The following RYR1 variants were observed in gnomAD, a reference collection of about 807,000 sequenced individuals.
The protein encoded by RYR1 is central core disease of muscle.
A neutral mutation model predicts 583.5 loss-of-function variants in RYR1; 342 were observed. The ratio of observed to expected loss-of-function variants is 0.59; its 90% CI spans 0.54 to 0.64. RYR1 has a LOEUF of 0.64. Ranked by LOEUF, RYR1 falls within the 30% of genes least tolerant of loss-of-function variation. The pLI is 0.00. For synonymous variants in RYR1, 2,791 were observed against 2,822.5 expected (o/e 0.99, Z 0.35); for missense variants, 6,032 against 6,917.2 (o/e 0.87, Z 4.54).
At position 38,489,199 on chromosome 19, in the gene RYR1, A is replaced by G. The variant is rs1189214623; in HGVS notation, c.5570A>G (p.Glu1857Gly). ...TAGGTGATGGGCATCTTTGGCGATG[A>G]GGATGTGAAACAGATCTTGAAGATG... ...TLLVMGIFGD[E>G]DVKQILKMIE... The change falls in exon 35 of 106, where the codon GAG (glutamate) becomes GGG (glycine). Residue 1857 changes from glutamate to glycine, a missense_variant. Around this residue, in one of 11 missense-constraint regions of RYR1, gnomAD observed 2,627 missense variants for 2,961.3 expected, o/e 0.89. Coordinates refer to ENST00000359596, the MANE Select transcript of RYR1 (RefSeq NM_000540.3). 8 of 1,614,040 alleles carry G rather than the reference A, an allele frequency of 5.0e-6. No individual in the cohort carries two copies. The highest frequency in any genetic ancestry group is 5.9e-6 in the Non-Finnish European group (7 of 1,180,032).
At chr19:38,476,750 G>A (rs1048841065) in intron 29 of RYR1, among the ~76,000 whole-genome samples, 7 of 152,192 alleles carry the variant, frequency 4.6e-5, no homozygotes, top group African/African-American at 7.2e-5. Flanking sequence ...GGTGCCACTT[G>A]GGCAAAAGTC....
chr19:38,441,264 TG>T (rs1972666845), intron 2 of RYR1, among the ~76,000 whole-genome samples: 1 of 4,126 alleles, frequency 2.4e-4, no homozygotes, highest in Non-Finnish European at 4.2e-4. Flanking sequence ...GGCTGGGGCG[TG>T]GGGAGGGGGG....
chr19:38,577,300 A>G (rs1176350594), intron 97 of RYR1, among the ~76,000 whole-genome samples: 1 of 152,236 alleles, frequency 6.6e-6, no homozygotes, highest in Non-Finnish European at 1.5e-5. Flanking sequence ...CATGAGCAGT[A>G]TCTGGCATAT....
rs868761398 is a variant in RYR1, at chr19:38,517,683, G to T, written c.10010G>T (p.Arg3337Leu). The change falls in exon 66 of 106, where the codon CGG becomes CTG. Residue 3337 changes from arginine to leucine, a missense_variant. This residue lies in a region of RYR1 where 1,493 missense variants were observed against 1,715.5 expected (regional missense o/e 0.87). Coordinates refer to ENST00000359596, the MANE Select transcript of RYR1 (RefSeq NM_000540.3). ...ATTGACGAGGCCTCCTGGATGAAGCGGCTGGCTGGTGGGTCGGGGGGCACT... is the reference window on the plus strand; with the variant it reads ...ATTGACGAGGCCTCCTGGATGAAGCTGCTGGCTGGTGGGTCGGGGGGCACT... ...LGIDEASWMK[R>L]LAVFAQPIVS... The T allele has an allele frequency of 1.2e-6, 2 of 1,614,160 alleles. No homozygotes were observed. Among genetic ancestry groups the T allele is most frequent in the African/African-American group, 1.3e-5 (1 of 75,020 alleles).
intron 52 of RYR1, 27 bp from the exon 53 acceptor site, chr19:38,505,282 C>A (rs1411794016): frequency 1.3e-6 from 2 of 1,544,738 alleles, no homozygotes; most frequent in East Asian, 2.3e-5. Flanking sequence ...CTGCCTCCCC[C>A]TCACCCTGCC....
intron 67 of RYR1, among the ~76,000 whole-genome samples, chr19:38,522,309 A>G (rs1030803410): frequency 6.6e-6 from 1 of 152,194 alleles, no homozygotes; most frequent in African/African-American, 2.4e-5. Flanking sequence ...TTTTTAAAAA[A>G]GGAATAGTCA....
Position 38,535,017 on chromosome 19 carries a change from A to G in RYR1, c.11360-124A>G, listed in dbSNP as rs1304923028. The G allele has an allele frequency of 7.3e-6, 8 of 1,092,720 alleles. No homozygotes were observed. The African/African-American group carries it at 1.1e-4, about 15-fold the overall frequency. The allele number at this position is 1,092,720 out of a possible 1,614,324, so 67.7% of individuals were successfully genotyped here. ...ATCCTTCAATCACGATCACCCCTGC[A>G]TGCACACCTTGGCACACTCTTAAAT... On this transcript the variant is annotated intron_variant, in intron 79 of 105. Transcript: ENST00000359596.
intron 101 of RYR1, 114 bp downstream of exon 101, chr19:38,580,618 G>GGCCTCCCGACGCACT: frequency 1.5e-6 from 2 of 1,327,834 alleles, no homozygotes; most frequent in Non-Finnish European, 2.1e-6. Flanking sequence ...CCAGTGCGTC[G>GGCCTCCCGACGCACT]GGAGGCCGAG....
chr19:38,499,997 G>A lies in RYR1; in HGVS notation c.7304G>A (p.Arg2435His), dbSNP rs28933396. 1 of 1,614,114 alleles carries A rather than the reference G, an allele frequency of 6.2e-7. No individual in the cohort carries two copies. The highest frequency in any genetic ancestry group is 8.5e-7 in the Non-Finnish European group (1 of 1,179,988). The change falls in exon 45 of 106, where the codon CGC (arginine) becomes CAC (histidine). Residue 2435 changes from arginine (R) to histidine (H), a missense_variant. By Grantham distance (29) the Arg-to-His change is conservative (BLOSUM62 0). Coordinates refer to ENST00000359596, the MANE Select transcript of RYR1 (RefSeq NM_000540.3). The surrounding 1 kb of genome is among the most constrained non-coding windows in gnomAD (Gnocchi z 7.3). ...GCCGCCTTGATCGACCTGCTCGGAC[G>A]CTGTGCACCAGAGATGCATGTGAGA... Reference protein sequence around the residue: ...FYAALIDLLGRCAPEMHLIQA... With the variant: ...FYAALIDLLGHCAPEMHLIQA...
At chr19:38,489,772 G>T (rs1969469425) in intron 35 of RYR1, among the ~76,000 whole-genome samples, 1 of 152,208 alleles carries the variant, frequency 6.6e-6, no homozygotes, top group African/African-American at 2.4e-5. Flanking sequence ...GGGATCACAG[G>T]CATGTGCCAC....
Position 38,499,643 on chromosome 19 carries a change from G to A in RYR1, c.7036G>A (p.Val2346Met), listed in dbSNP as rs193922799. Residue 2346 changes from valine (V) to methionine (M), a missense_variant, in exon 44 of 106, where the codon GTG becomes ATG. Physicochemically the swap from Val to Met is conservative, Grantham distance 21 (BLOSUM62 1). Around this residue, in one of 11 missense-constraint regions of RYR1, gnomAD observed 2,627 missense variants for 2,961.3 expected, o/e 0.89. Coordinates refer to ENST00000359596, the MANE Select transcript of RYR1 (RefSeq NM_000540.3). The surrounding 1 kb of genome is among the most constrained non-coding windows in gnomAD (Gnocchi z 7.3). Reference protein sequence around the residue: ...RFAVFVNGESVEENANVVVRL... With the variant: ...RFAVFVNGESMEENANVVVRL... ...CCCATGCGGGTGGCCAGGCGAGAGC[G>A]TGGAGGAGAACGCCAATGTGGTGGT... The A allele has an allele frequency of 1.3e-5, 20 of 1,597,916 alleles. No homozygotes were observed. The highest frequency in any genetic ancestry group is 2.2e-5 in the East Asian group (1 of 44,892).
chr19:38,458,592 A>AATTT (rs149336562), intron 18 of RYR1, among the ~76,000 whole-genome samples: 8 of 151,290 alleles, frequency 5.3e-5, no homozygotes, highest in South Asian at 2.1e-4. Context: ...ACCCCAGGAG[A>AATTT]ATTTATTTAT....
Position 38,463,979 on chromosome 19 carries a change from T to G in RYR1, c.2786+129T>G, listed in dbSNP as rs67515748. ...TGGAGGGGACAGGGATTGTGAGACA[T>G]AAACAAATGGGGAGTGGCCGGGCAC... On this transcript the variant is annotated intron_variant, in intron 22 of 105. Coordinates refer to ENST00000359596, the MANE Select transcript of RYR1 (RefSeq NM_000540.3). 46,896 of 770,158 alleles carry G rather than the reference T, an allele frequency of 0.061. 2,027 individuals carry two copies. The highest frequency in any genetic ancestry group is 0.17 in the African/African-American group (9,870 of 58,220). The allele number at this position is 770,158 out of a possible 1,614,324, so 47.7% of individuals were successfully genotyped here.
At position 38,459,004 on chromosome 19, in the gene RYR1, G is replaced by A. The variant is rs571608930; in HGVS notation, c.2168-142G>A. ...CCTCTGCCCTTCATTTCAGAGCTAC[G>A]GGAGCATCCAAGGGAGCACTTTCCA... On this transcript the variant is annotated intron_variant, in intron 18 of 105. Transcript: ENST00000359596. The A allele has an allele frequency of 1.3e-3, 935 of 745,972 alleles. 7 individuals carry two copies. Among genetic ancestry groups the A allele is most frequent in the Admixed American group, 3.2e-3 (161 of 50,036 alleles). 46.2% of individuals were successfully genotyped at this position (745,972 alleles called of 1,614,324 possible). A position where few individuals can be genotyped will look rare whatever the true frequency, so the allele number is the denominator to read the frequency against.
At position 38,543,860 on chromosome 19, in the gene RYR1, G is replaced by A; in HGVS notation, c.11997G>A (p.Met3999Ile). 1.2e-6 allele frequency: 2 copies of A among 1,613,524 alleles called. No individual in the cohort carries two copies. The highest frequency in any genetic ancestry group is 1.1e-5 in the South Asian group (1 of 91,038). ...TCCTGCACGTGTTCGCCCACATGAT[G>A]ATGAAGCTCGCTCAGGTTCGAGCCC... ...VGFLHVFAHM[M>I]MKLAQDSSQI... The change falls in exon 87 of 106, where the codon ATG becomes ATA. Residue 3999 changes from methionine (M) to isoleucine (I), a missense_variant. Around this residue, in one of 11 missense-constraint regions of RYR1, gnomAD observed 82 missense variants for 139.7 expected, o/e 0.59. Transcript: ENST00000359596. The surrounding 1 kb of genome is among the most constrained non-coding windows in gnomAD (Gnocchi z 4.4).
At chr19:38,453,340 T>A (rs1967190472) in intron 13 of RYR1, among the ~76,000 whole-genome samples, 1 of 150,598 alleles carries the variant, frequency 6.6e-6, no homozygotes, top group Non-Finnish European at 1.5e-5. Context: ...AGCTCAGGTA[T>A]AGGGTGAGGC....
At chr19:38,541,433 C>T (rs988848167) in intron 84 of RYR1, among the ~76,000 whole-genome samples, 1 of 115,470 alleles carries the variant, frequency 8.7e-6, no homozygotes, top group Non-Finnish European at 1.7e-5. Context: ...AGGATTTCCT[C>T]GGCTGGGTGT....
Position 38,527,751 on chromosome 19 carries a change from G to C in RYR1, c.10791G>C (p.Gln3597His). 6.2e-7 allele frequency: 1 copy of C among 1,614,096 alleles called. No homozygotes were observed. ...DDPEKIVRRV[Q>H]EVSAVLYYLD... ...CCGAGAAAATCGTGCGCAGAGTCCA[G>C]GAAGTGTCAGCCGTGCTCTACTACC... Residue 3597 changes from glutamine (Q) to histidine (H), a missense_variant, in exon 73 of 106, where the codon CAG becomes CAC. Transcript: ENST00000359596.
chr19:38,441,782 G>C (rs985774658), intron 2 of RYR1, among the ~76,000 whole-genome samples: 2 of 152,024 alleles, frequency 1.3e-5, no homozygotes, highest in African/African-American at 4.8e-5. Context: ...CTGAGGAGCA[G>C]AGTCTTGAGT....
Sources: allele counts gnomAD v4.1 joint callset (sites outside exome capture counted in the v4.1 genomes callset), GRCh38; gene constraint gnomAD v4.1.1; regional missense constraint gnomAD v4.1.1; non-coding constraint Gnocchi (gnomAD v3.1); transcripts MANE v1.5; gene names NCBI Gene and HGNC (gene_info 2026-07-23, HGNC 2026-07-21).